IARS1: variants seen among roughly 807,000 people sequenced by gnomAD.
IARS1 encodes isoleucyl-tRNA synthetase 1, also known as isoleucine--tRNA ligase, cytoplasmic.
In IARS1, 124 loss-of-function variants were observed where a neutral mutation model predicts 168.2. The observed-to-expected ratio is 0.74, with a 90% CI of 0.64 to 0.86. The LOEUF (loss-of-function observed/expected upper bound fraction) is 0.86. Among genes scored for constraint, IARS1 ranks in the 40% least tolerant of loss-of-function variants. The pLI, the probability that IARS1 is intolerant of heterozygous loss-of-function variation, is 0.00. For synonymous variants in IARS1, 532 were observed against 529.4 expected (o/e 1.00, Z -0.07); for missense variants, 1,452 against 1,515.8 (o/e 0.96, Z 0.70).
In IARS1 at chr9:92,277,913, C is replaced by A; in HGVS notation, c.844G>T (p.Ala282Ser). 1 of 1,613,776 alleles carries A rather than the reference C, an allele frequency of 6.2e-7. No individual in the cohort carries two copies. Among genetic ancestry groups the A allele is most frequent in the Non-Finnish European group, 8.5e-7 (1 of 1,179,830 alleles). ...DYEILERFPGAYLKGKKYRPL... is the reference protein window; with the variant it reads ...DYEILERFPGSYLKGKKYRPL... ...CTGTACTTCTTGCCTTTAAGATAGGCACCAGGAAATCTAGAAAAGGAGAAA... is the reference window on the plus strand; with the variant it reads ...CTGTACTTCTTGCCTTTAAGATAGGAACCAGGAAATCTAGAAAAGGAGAAA... The change falls in exon 9 of 34, where the codon GCC becomes TCC. Residue 282 changes from alanine to serine, a missense_variant. Transcript: ENST00000443024.
At chr9:92,277,762 G>C in intron 9 of IARS1, 101 bp downstream of exon 9, 1 of 878,978 alleles carries the variant, frequency 1.1e-6, no homozygotes, top group African/African-American at 1.7e-5. Context: ...CTGGATTCAG[G>C]TACACTCATA....
chr9:92,258,693 G>T (rs759903972), intron 19 of IARS1, among the ~76,000 whole-genome samples, 161 bp downstream of exon 19: 1 of 152,156 alleles, frequency 6.6e-6, no homozygotes, highest in Non-Finnish European at 1.5e-5. Context: ...GATACCTTCC[G>T]CACCTGCATG....
chr9:92,239,545 T>TCC (rs879793858), intron 30 of IARS1, among the ~76,000 whole-genome samples: 4,647 of 152,264 alleles, frequency 0.031, 109 homozygotes, highest in South Asian at 0.079. Context: ...CCTGTTTGGG[T>TCC]TTCACGCATA....
chr9:92,242,355 A>T, intron 28 of IARS1, 25 bp from the exon 29 acceptor site: 1 of 1,585,144 alleles, frequency 6.3e-7, no homozygotes, highest in Non-Finnish European at 8.6e-7. Flanking sequence ...AGAAAAATTT[A>T]AAAGGGAAGT....
intron 8 of IARS1, 78 bp from the exon 9 acceptor site, chr9:92,278,001 C>G: frequency 3.6e-6 from 5 of 1,371,732 alleles, no homozygotes; most frequent in Non-Finnish European, 5.2e-6. Flanking sequence ...CTACCACTCC[C>G]CTCTGGTTTA....
At chr9:92,251,913 T>A in intron 21 of IARS1, 28 bp from the exon 22 acceptor site, 3 of 1,434,234 alleles carry the variant, frequency 2.1e-6, no homozygotes, top group Non-Finnish European at 2.0e-6. Flanking sequence ...AACATAAACA[T>A]TAAACTGTTA....
chr9:92,248,652 C>CA (rs886459066), intron 25 of IARS1, among the ~76,000 whole-genome samples: 11,028 of 46,668 alleles, frequency 0.24, 1,347 homozygotes, highest in African/African-American at 0.33. Flanking sequence ...GACCCTGTCA[C>CA]AAAAAAAAAA....
Position 92,260,010 on chromosome 9 carries a change from T to C in IARS1, c.1871+141A>G, listed in dbSNP as rs1056268320. 3 of 638,222 alleles carry C rather than the reference T, an allele frequency of 4.7e-6. No individual in the cohort carries two copies. In the African/African-American group the frequency reaches 5.5e-5, roughly 12 times the overall value. The allele number at this position is 638,222 out of a possible 1,614,324, so 39.5% of individuals were successfully genotyped here. A position where few individuals can be genotyped will look rare whatever the true frequency, so the allele number is the denominator to read the frequency against. On this transcript the variant is annotated intron_variant, in intron 18 of 33. Coordinates refer to ENST00000443024, the MANE Select transcript of IARS1 (RefSeq NM_002161.6). Reference sequence around the variant, plus strand: ...TTTGGGGGTTTAAAATCAACAACCATACCAACATAACATCCAAATAACAGA... The same window carrying C: ...TTTGGGGGTTTAAAATCAACAACCACACCAACATAACATCCAAATAACAGA...
chr9:92,271,422 G>A (rs764711219), intron 11 of IARS1, 111 bp downstream of exon 11: 51 of 1,395,472 alleles, frequency 3.7e-5, no homozygotes, highest in Non-Finnish European at 5.1e-5. Flanking sequence ...TTCATGCGAT[G>A]ACAAAACCAA....
chr9:92,237,818 C>T (rs1190302242), intron 30 of IARS1, among the ~76,000 whole-genome samples: 1 of 152,166 alleles, frequency 6.6e-6, no homozygotes, highest in Non-Finnish European at 1.5e-5. Context: ...CTTTTACTTT[C>T]AACTCACCTG....
intron 19 of IARS1, among the ~76,000 whole-genome samples, chr9:92,258,335 G>A: frequency 6.6e-6 from 1 of 152,200 alleles, no homozygotes; most frequent in East Asian, 1.9e-4. Flanking sequence ...GCTCATGCCT[G>A]TAATCCCAGC....
At chr9:92,222,403 GA>G in intron 33 of IARS1, 116 bp downstream of exon 33, 1 of 471,388 alleles carries the variant, frequency 2.1e-6, no homozygotes, top group South Asian at 6.2e-5. Context: ...TCTGGGGAAA[GA>G]ATAACAAAAC....
At position 92,265,125 on chromosome 9, in the gene IARS1, T is replaced by C; in HGVS notation, c.1506-2A>G. 1 of 1,607,082 alleles carries C rather than the reference T, an allele frequency of 6.2e-7. No individual in the cohort carries two copies. The highest frequency in any genetic ancestry group is 8.5e-7 in the Non-Finnish European group (1 of 1,177,182). ...GAAGGAATGGTCAGGTGGTCAACAC[T>C]AACAAACAGAAAAGTAGTCATTTCT... On this transcript the variant is annotated splice_acceptor_variant, in intron 15 of 33. Transcript: ENST00000443024. LOFTEE classifies it high-confidence loss of function.
At chr9:92,232,528 C>T (rs1382151350) in intron 30 of IARS1, among the ~76,000 whole-genome samples, 1 of 152,278 alleles carries the variant, frequency 6.6e-6, no homozygotes, top group South Asian at 2.1e-4. Context: ...AGTAGAATGA[C>T]TTGTTTCACA....
chr9:92,212,735 G>C (rs1341148724), intron 33 of IARS1, among the ~76,000 whole-genome samples: 2 of 152,206 alleles, frequency 1.3e-5, no homozygotes, highest in Non-Finnish European at 2.9e-5. Context: ...CACAATGAAA[G>C]AGCCAAGTGT....
At chr9:92,251,910 A>C in intron 21 of IARS1, 25 bp from the exon 22 acceptor site, 1 of 1,480,770 alleles carries the variant, frequency 6.8e-7, no homozygotes, top group South Asian at 1.1e-5. Flanking sequence ...GGAAACATAA[A>C]CATTAAACTG....
intron 15 of IARS1, 50 bp from the exon 16 acceptor site, chr9:92,265,173 C>A (rs1365683823): frequency 6.7e-7 from 1 of 1,494,700 alleles, no homozygotes; most frequent in Non-Finnish European, 9.1e-7. Flanking sequence ...CATAACAGAA[C>A]TTGCAGTTTA....
chr9:92,289,390 A>AT lies in IARS1; in HGVS notation c.29dup (p.Asn10LysfsTer5), dbSNP rs1483377578. 3.2e-6 allele frequency: 5 copies of AT among 1,581,622 alleles called. No homozygotes were observed. The Admixed American group carries it at 8.5e-5, about 27-fold the overall frequency. On this transcript the variant is annotated frameshift_variant, in exon 2 of 34. Coordinates refer to ENST00000443024, the MANE Select transcript of IARS1 (RefSeq NM_002161.6). LOFTEE classifies it high-confidence loss of function. ...AGATTTTCTCTTCTTCAGCAGGAAA[A>AT]TTTATGTTTTCTGGAACTTGTTGAA...
chr9:92,265,668 T>C (rs2133831705), intron 14 of IARS1, 115 bp from the exon 15 acceptor site: 1 of 869,654 alleles, frequency 1.1e-6, no homozygotes, highest in East Asian at 2.5e-5. Flanking sequence ...CTTTTTCCTT[T>C]TTTTTTGAGA....
Sources: allele counts gnomAD v4.1 joint callset (sites outside exome capture counted in the v4.1 genomes callset), GRCh38; gene constraint gnomAD v4.1.1; transcripts MANE v1.5; gene names NCBI Gene and HGNC (gene_info 2026-07-23, HGNC 2026-07-21).